Variants in DAPK1 observed in about 807,000 individuals in gnomAD.
DAPK1 encodes the protein death-associated protein kinase 1.
Under a neutral mutation model 144.9 loss-of-function variants are expected in DAPK1, and 56 were observed. That is an observed-to-expected ratio of 0.39 (90% CI 0.31 to 0.48). The LOEUF (loss-of-function observed/expected upper bound fraction) is 0.48. DAPK1 is among the 20% of genes least tolerant of loss of function. The pLI, the probability that DAPK1 is intolerant of heterozygous loss-of-function variation, is 0.95. For missense variants in DAPK1, 1,454 were observed against 1,875.4 expected, an observed-to-expected ratio of 0.78 and a Z score of 4.15; for synonymous variants, 690 against 749.0, an observed-to-expected ratio of 0.92 and a Z score of 1.29.
At chr9:87,688,554 G>A (rs1399522186) in intron 21 of DAPK1, among the ~76,000 whole-genome samples, 5 of 152,106 alleles carry the variant, frequency 3.3e-5, no homozygotes, top group Admixed American at 1.3e-4. Context: ...TTCCCACAAC[G>A]TATAGGTGTT....
At chr9:87,542,535 C>T (rs961989235) in intron 2 of DAPK1, among the ~76,000 whole-genome samples, 8 of 152,202 alleles carry the variant, frequency 5.3e-5, no homozygotes, top group African/African-American at 1.7e-4. Flanking sequence ...GATTCTGGCT[C>T]GCTTTTCCTA....
intron 3 of DAPK1, among the ~76,000 whole-genome samples, chr9:87,622,570 T>A (rs547351618): frequency 1.3e-5 from 2 of 152,298 alleles, no homozygotes; most frequent in East Asian, 3.9e-4. Context: ...TTTGTTGGCT[T>A]GTTTTATAAA....
At chr9:87,694,028 G>A (rs1194394815) in intron 21 of DAPK1, among the ~76,000 whole-genome samples, 1 of 152,148 alleles carries the variant, frequency 6.6e-6, no homozygotes, top group Non-Finnish European at 1.5e-5. Context: ...GTGGGTCCAG[G>A]TAGGTTGATT....
intron 3 of DAPK1, among the ~76,000 whole-genome samples, chr9:87,634,361 G>A (rs3128526): frequency 0.62 from 94,268 of 152,066 alleles, 30,036 homozygotes; most frequent in African/African-American, 0.76. Flanking sequence ...TTCCTTGCTC[G>A]AGGCTCCTTG....
intron 20 of DAPK1, 111 bp downstream of exon 20, chr9:87,681,737 T>C (rs2119336704): frequency 2.8e-6 from 2 of 707,906 alleles, no homozygotes; most frequent in African/African-American, 1.7e-5. Context: ...TGGCCTATAC[T>C]GGACCCTGTG....
chr9:87,668,356 T>C (rs1831130729), intron 18 of DAPK1: 1 of 512,980 alleles, frequency 1.9e-6, no homozygotes, highest in African/African-American at 1.9e-5. Flanking sequence ...AAGGTGTCGC[T>C]ATTGGACAGG....
At chr9:87,567,710 T>G (rs1267925833) in intron 2 of DAPK1, among the ~76,000 whole-genome samples, 1 of 152,128 alleles carries the variant, frequency 6.6e-6, no homozygotes. Context: ...GTTGTTGCAC[T>G]CATAGGGCTA....
intron 15 of DAPK1, 152 bp from the exon 16 acceptor site, chr9:87,649,769 C>T (rs1587809978): frequency 8.3e-6 from 6 of 723,502 alleles, no homozygotes; most frequent in African/African-American, 1.7e-5. Flanking sequence ...TATTTTATTC[C>T]AGATTAATAT....
At chr9:87,561,083 C>T (rs1416470999) in intron 2 of DAPK1, among the ~76,000 whole-genome samples, 1 of 152,146 alleles carries the variant, frequency 6.6e-6, no homozygotes, top group South Asian at 2.1e-4. Context: ...ACTTTTTTGT[C>T]CTTTCCCTTC....
intron 19 of DAPK1, among the ~76,000 whole-genome samples, chr9:87,675,534 G>A (rs944090511): frequency 1.3e-5 from 2 of 152,102 alleles, no homozygotes; most frequent in African/African-American, 4.8e-5. Flanking sequence ...CCGAGAGGCG[G>A]CACAGCTCTA....
At chr9:87,685,384 G>C (rs924831957) in intron 20 of DAPK1, among the ~76,000 whole-genome samples, 4 of 152,202 alleles carry the variant, frequency 2.6e-5, no homozygotes, top group Non-Finnish European at 5.9e-5. Flanking sequence ...TGGATCGCCT[G>C]TTTTAAAGTC....
At chr9:87,525,386 C>T (rs1825465352) in intron 2 of DAPK1, 10 of 1,611,318 alleles carry the variant, frequency 6.2e-6, no homozygotes, top group African/African-American at 1.3e-5. Context: ...AAACAACCGG[C>T]ACGGTCTGAT....
intron 2 of DAPK1, among the ~76,000 whole-genome samples, chr9:87,561,891 A>T (rs1826940147): frequency 6.6e-6 from 1 of 152,160 alleles, no homozygotes; most frequent in Non-Finnish European, 1.5e-5. Context: ...CACCATGCCC[A>T]GGGTTCAAGC....
chr9:87,597,133 T>TTCCAGGA (rs1405261294), intron 2 of DAPK1, among the ~76,000 whole-genome samples: 10 of 152,310 alleles, frequency 6.6e-5, no homozygotes, highest in Non-Finnish European at 1.5e-4. Flanking sequence ...CAAGCGGAAG[T>TTCCAGGA]TCCAGGATCA....
chr9:87,593,462 C>T (rs950228736), intron 2 of DAPK1, among the ~76,000 whole-genome samples: 2 of 152,244 alleles, frequency 1.3e-5, no homozygotes, highest in Non-Finnish European at 2.9e-5. Flanking sequence ...TCCTCTCATG[C>T]TCCAGAACTG....
chr9:87,498,411 C>T, intron 1 of DAPK1: 1 of 325,628 alleles, frequency 3.1e-6, no homozygotes, highest in Non-Finnish European at 5.5e-6. Context: ...CCCCGGGCGG[C>T]CGCACGCCGG....
At chr9:87,529,982 C>T (rs947175948) in intron 2 of DAPK1, among the ~76,000 whole-genome samples, 1 of 152,204 alleles carries the variant, frequency 6.6e-6, no homozygotes, top group Admixed American at 6.5e-5. Context: ...CTTCTCAGAA[C>T]CCCTGCTTCC....
At chr9:87,512,992 T>C (rs149007741) in intron 2 of DAPK1, among the ~76,000 whole-genome samples, 1 of 152,348 alleles carries the variant, frequency 6.6e-6, no homozygotes, top group Non-Finnish European at 1.5e-5. Flanking sequence ...TCTTTGGGCT[T>C]GTTGGGTGGG....
At position 87,666,541 on chromosome 9, in the gene DAPK1, T is replaced by C. The variant is rs1470995907; in HGVS notation, c.1924-2056T>C. ...CAGGCTGGAGTGCAGTGGCACGATC[T>C]TGGCTCACTGCAACCTCTGCCTCCC... On this transcript the variant is annotated intron_variant, in intron 18 of 25. Coordinates refer to ENST00000408954, the MANE Select transcript of DAPK1 (RefSeq NM_004938.4). Among the ~76,000 whole-genome samples, 3 of 151,686 alleles carry C rather than the reference T, an allele frequency of 2.0e-5. No homozygotes were observed. In the East Asian group the frequency reaches 5.8e-4, roughly 29 times the overall value.
Sources: gnomAD v4.1 joint callset for allele counts (sites outside exome capture counted in the v4.1 genomes callset) on GRCh38, gnomAD v4.1.1 for gene constraint, MANE v1.5 for transcripts, NCBI Gene and HGNC (gene_info 2026-07-23, HGNC 2026-07-21) for gene names.